XIST: variants seen among roughly 807,000 people sequenced by gnomAD.
XIST encodes the protein X inactive specific transcript, also known as X inactive specific transcript (non-protein coding).
At chrX:73,829,296 A>G in intron 4 of XIST, 5 of 475,644 alleles carry the variant, frequency 1.1e-5, no homozygotes, top group Non-Finnish European at 1.5e-5. Context: ...CTAGAGTTAC[A>G]TAAGATTCAA....
At chrX:73,836,530 G>A (rs1009283569) in intron 2 of XIST, among the ~76,000 whole-genome samples, 11 of 111,598 alleles carry the variant, frequency 9.9e-5, no homozygotes, top group African/African-American at 2.0e-4. Context: ...AGTTGGAGAC[G>A]TAGGTATAAA....
chrX:73,848,253 C>A (rs778755567), exon 1 of XIST: 1 of 555,961 alleles, frequency 1.8e-6, no homozygotes, highest in Admixed American at 2.2e-5. Context: ...GGGGATGAGA[C>A]CCCAGACTAA....
At chrX:73,837,617 T>C (rs1287210839) in intron 1 of XIST, 3 of 437,664 alleles carry the variant, frequency 6.9e-6, no homozygotes, top group Non-Finnish European at 1.2e-5. Flanking sequence ...ACCAAACTAA[T>C]GTAAAATGTT....
chrX:73,849,860 G>A (rs1330086602), exon 1 of XIST: 1 of 507,838 alleles, frequency 2.0e-6, no homozygotes, highest in Non-Finnish European at 3.5e-6. Context: ...GGGGGGTTAG[G>A]GGACTGGGGC....
intron 3 of XIST, chrX:73,831,479 C>G (rs926962167): frequency 3.0e-6 from 1 of 328,384 alleles, no homozygotes. Flanking sequence ...CATTCCAGCT[C>G]TATTCTGTAT....
At chrX:73,823,069 CAT>C (rs759304001) in exon 6 of XIST, 50 of 550,619 alleles carry the variant, frequency 9.1e-5, no homozygotes, top group Non-Finnish European at 1.5e-4. Flanking sequence ...TTTTATTGCT[CAT>C]ATGTCTTCCT....
At chrX:73,850,358 A>G (rs1348200855) in exon 1 of XIST, 2 of 538,317 alleles carry the variant, frequency 3.7e-6, no homozygotes, top group South Asian at 4.9e-5. Context: ...AACTCATTAA[A>G]TGTAATTAAA....
chrX:73,827,688 G>A (rs2147697805), exon 6 of XIST: 1 of 549,181 alleles, frequency 1.8e-6, no homozygotes, highest in Non-Finnish European at 3.3e-6. Flanking sequence ...AGAGAAAGGA[G>A]AGGTAGACAG....
chrX:73,851,384 T>C (rs1922937798), exon 1 of XIST: 2 of 557,579 alleles, frequency 3.6e-6, no homozygotes, highest in Non-Finnish European at 6.5e-6. Flanking sequence ...CCGCCATCTT[T>C]TCCTGTGTGA....
chrX:73,845,767 A>G (rs1369663776), exon 1 of XIST: 1 of 344,302 alleles, frequency 2.9e-6, no homozygotes, highest in African/African-American at 3.6e-5. Context: ...AAATGTAATG[A>G]TCTTATGGAG....
chrX:73,826,930 T>C (rs1922268232), exon 6 of XIST: 1 of 558,886 alleles, frequency 1.8e-6, no homozygotes, highest in East Asian at 3.2e-5. Flanking sequence ...CCTTGAGACT[T>C]CCATCCAACT....
chrX:73,848,925 C>T, exon 1 of XIST: 1 of 556,427 alleles, frequency 1.8e-6, no homozygotes, highest in Admixed American at 2.2e-5. Flanking sequence ...TGGGTCTTCT[C>T]TGTTACGCAG....
intron 1 of XIST, among the ~76,000 whole-genome samples, chrX:73,839,614 G>A (rs1044892932): frequency 9.0e-6 from 1 of 111,084 alleles, no homozygotes; most frequent in Non-Finnish European, 1.9e-5. Flanking sequence ...TATAAATCCT[G>A]TCTTTGGTTT....
chrX:73,845,102 G>C (rs1439863180), exon 1 of XIST: 1 of 553,659 alleles, frequency 1.8e-6, no homozygotes, highest in African/African-American at 2.3e-5. Flanking sequence ...GCCATGTGCA[G>C]TTACACACAT....
intron 1 of XIST, among the ~76,000 whole-genome samples, chrX:73,838,671 G>A (rs7888812): frequency 0.093 from 10,266 of 110,517 alleles, 594 homozygotes; most frequent in African/African-American, 0.21. Context: ...ACAAAAACAT[G>A]ACCAACTCGA....
exon 1 of XIST, chrX:73,852,594 A>AT (rs767712082): frequency 2.6e-5 from 13 of 492,019 alleles, no homozygotes; most frequent in African/African-American, 9.7e-5. Context: ...AATTTAGGTG[A>AT]TTTTTTTAAA....
At chrX:73,846,475 G>C in exon 1 of XIST, 1 of 559,023 alleles carries the variant, frequency 1.8e-6, no homozygotes, top group Non-Finnish European at 3.2e-6. Context: ...CCAAGAAAAG[G>C]GGACTGCGTT....
intron 2 of XIST, among the ~76,000 whole-genome samples, chrX:73,835,246 A>T (rs1190909282): frequency 8.9e-6 from 1 of 112,141 alleles, no homozygotes; most frequent in Non-Finnish European, 1.9e-5. Context: ...CAGCTATATG[A>T]CTACTTCATA....
At chrX:73,833,303 G>A (rs779872373) in exon 3 of XIST, 2 of 556,879 alleles carry the variant, frequency 3.6e-6, no homozygotes, top group African/African-American at 2.2e-5. Context: ...GATTCTCAAA[G>A]GGAAAGATAT....
Sources: gnomAD v4.1 joint callset for allele counts (sites outside exome capture counted in the v4.1 genomes callset) on GRCh38, gnomAD v4.1.1 for gene constraint, MANE v1.5 for transcripts, NCBI Gene and HGNC (gene_info 2026-07-23, HGNC 2026-07-21) for gene names.